Variants in IL1RAPL1 observed in about 807,000 individuals in gnomAD.
IL1RAPL1 encodes the protein interleukin 1 receptor accessory protein like 1.
Under a neutral mutation model 48.4 loss-of-function variants are expected in IL1RAPL1, and 3 were observed. That is an observed-to-expected ratio of 0.06 (90% CI 0.03 to 0.16). IL1RAPL1 has a LOEUF of 0.16. Among genes scored for constraint, IL1RAPL1 ranks in the 10% least tolerant of loss-of-function variants. IL1RAPL1 has a pLI of 1.00. For missense variants in IL1RAPL1, 349 were observed against 530.6 expected (o/e 0.66, Z 3.36); for synonymous variants, 185 against 187.7 (o/e 0.99, Z 0.12).
rs183435529 is a variant in IL1RAPL1, at chrX:28,587,791, T to C, written c.-281T>C. 9.1e-6 allele frequency: 1 copy of C among 109,997 alleles called. No homozygotes were observed. Among genetic ancestry groups the C allele is most frequent in the East Asian group, 2.9e-4 (1 of 3,485 alleles). 9.1% of individuals were successfully genotyped at this position (109,997 alleles called of 1,213,427 possible). A position where few individuals can be genotyped will look rare whatever the true frequency, so the allele number is the denominator to read the frequency against. On this transcript the variant is annotated 5_prime_UTR_variant, in exon 1 of 11. Coordinates refer to ENST00000378993, the MANE Select transcript of IL1RAPL1 (RefSeq NM_014271.4). ...TTTTTCCTGCTCTGCACCTGGATTG[T>C]ATCTTCAGCAAACAATCGGGCACTT...
chrX:29,802,771 A>ATGTG (rs1186816883), intron 6 of IL1RAPL1, among the ~76,000 whole-genome samples: 3 of 29,631 alleles, frequency 1.0e-4, no homozygotes, highest in African/African-American at 3.5e-4. Context: ...ATATATATAT[A>ATGTG]TATATATATA....
chrX:28,971,397 T>C (rs1480673076), intron 2 of IL1RAPL1, among the ~76,000 whole-genome samples: 1 of 112,336 alleles, frequency 8.9e-6, no homozygotes, highest in Non-Finnish European at 1.9e-5. Flanking sequence ...ATGAAGCTGT[T>C]CCTTGGAGTC....
At chrX:28,876,532 A>G (rs1256184503) in intron 2 of IL1RAPL1, among the ~76,000 whole-genome samples, 2 of 111,463 alleles carry the variant, frequency 1.8e-5, no homozygotes, top group Non-Finnish European at 3.8e-5. Context: ...CAAACAAAGC[A>G]TGATTAACCC....
chrX:29,174,644 T>C (rs1020182890), intron 2 of IL1RAPL1, among the ~76,000 whole-genome samples: 4 of 104,594 alleles, frequency 3.8e-5, no homozygotes, highest in East Asian at 2.9e-4. Flanking sequence ...TTTAATGATA[T>C]AGGAATTGCT....
intron 6 of IL1RAPL1, among the ~76,000 whole-genome samples, chrX:29,878,251 G>A (rs1931950596): frequency 9.0e-6 from 1 of 111,342 alleles, no homozygotes; most frequent in Non-Finnish European, 1.9e-5. Flanking sequence ...TGGAAAATTA[G>A]GACAGCCATC....
chrX:29,336,304 GGTGTGT>G lies in IL1RAPL1; in HGVS notation c.362+53126_362+53131del, dbSNP rs375590826. On this transcript the variant is annotated intron_variant, in intron 3 of 10. Transcript: ENST00000378993. ...TATATATATATATGCACCGTTTTGG[GGTGTGT>G]GTGTGTGTGTGTGTGTGTGTGTGTG... Among the ~76,000 whole-genome samples, 612 of 70,829 alleles carry G rather than the reference GGTGTGT, an allele frequency of 8.6e-3. 10 individuals are homozygous for G. The highest frequency in any genetic ancestry group is 0.02 in the African/African-American group (375 of 18,609). 61.5% of individuals were successfully genotyped at this position (70,829 alleles called of 115,157 possible). A position where few individuals can be genotyped will look rare whatever the true frequency, so the allele number is the denominator to read the frequency against.
chrX:29,605,036 G>T (rs139545003), intron 5 of IL1RAPL1, among the ~76,000 whole-genome samples: 195 of 95,818 alleles, frequency 2.0e-3, no homozygotes, highest in African/African-American at 7.2e-3. Flanking sequence ...AGACTTTTTG[G>T]GAGATGCTTC....
intron 5 of IL1RAPL1, among the ~76,000 whole-genome samples, chrX:29,571,276 C>G (rs766647008): frequency 9.0e-6 from 1 of 111,221 alleles, no homozygotes; most frequent in East Asian, 2.8e-4. Context: ...CTTCAGTGTG[C>G]TCTTCACATT....
At chrX:29,150,897 G>A (rs746913451) in intron 2 of IL1RAPL1, among the ~76,000 whole-genome samples, 1 of 104,134 alleles carries the variant, frequency 9.6e-6, no homozygotes, top group South Asian at 4.6e-4. Context: ...ACTCTAGCCT[G>A]GGTGACAGAG....
intron 2 of IL1RAPL1, among the ~76,000 whole-genome samples, chrX:28,874,724 A>G (rs1187352051): frequency 8.9e-6 from 1 of 112,381 alleles, no homozygotes; most frequent in East Asian, 2.8e-4. Context: ...TTCTCATTTC[A>G]TGCTTTCATT....
chrX:29,660,599 C>A (rs1423742428), intron 5 of IL1RAPL1, among the ~76,000 whole-genome samples: 2 of 111,927 alleles, frequency 1.8e-5, no homozygotes, highest in African/African-American at 6.5e-5. Context: ...ATCCTTTCCC[C>A]AATGTATGTT....
chrX:28,822,457 T>G (rs772616354), intron 2 of IL1RAPL1, among the ~76,000 whole-genome samples: 28 of 112,139 alleles, frequency 2.5e-4, no homozygotes, highest in African/African-American at 8.7e-4. Flanking sequence ...TGCCAACCCC[T>G]GTGTTAGACT....
At chrX:29,375,472 T>C (rs926963526) in intron 3 of IL1RAPL1, among the ~76,000 whole-genome samples, 3 of 111,390 alleles carry the variant, frequency 2.7e-5, no homozygotes, top group African/African-American at 9.8e-5. Context: ...AGCGCAATTG[T>C]TTTTTATAAC....
chrX:29,026,914 T>C (rs1037324239), intron 2 of IL1RAPL1, among the ~76,000 whole-genome samples: 2 of 111,809 alleles, frequency 1.8e-5, no homozygotes, highest in Non-Finnish European at 3.8e-5. Context: ...CTTAGCTTAA[T>C]TGAATGGAAG....
chrX:29,040,516 A>G (rs1024965118), intron 2 of IL1RAPL1, among the ~76,000 whole-genome samples: 1 of 112,174 alleles, frequency 8.9e-6, no homozygotes, highest in Non-Finnish European at 1.9e-5. Flanking sequence ...GCCAGGGTTT[A>G]AGCCACATTA....
chrX:28,896,806 C>T (rs1413424661), intron 2 of IL1RAPL1, among the ~76,000 whole-genome samples: 1 of 109,723 alleles, frequency 9.1e-6, no homozygotes, highest in Non-Finnish European at 1.9e-5. Flanking sequence ...GGACGAGTTG[C>T]ATTGGGAACA....
intron 2 of IL1RAPL1, among the ~76,000 whole-genome samples, chrX:28,953,347 A>G (rs1924521138): frequency 9.0e-6 from 1 of 111,560 alleles, no homozygotes; most frequent in South Asian, 3.7e-4. Context: ...ATTAATCTGT[A>G]TGGCATGCAA....
chrX:29,103,276 A>G (rs1049576156), intron 2 of IL1RAPL1, among the ~76,000 whole-genome samples: 3 of 111,861 alleles, frequency 2.7e-5, no homozygotes, highest in Non-Finnish European at 5.6e-5. Flanking sequence ...AAATAGAAAC[A>G]TAGACCAATG....
At chrX:28,727,902 A>G (rs1236790703) in intron 1 of IL1RAPL1, among the ~76,000 whole-genome samples, 8 of 106,429 alleles carry the variant, frequency 7.5e-5, no homozygotes, top group Non-Finnish European at 1.9e-5. Flanking sequence ...GGGGAACATC[A>G]CACTCTGGGG....
Sources: allele counts gnomAD v4.1 joint callset (sites outside exome capture counted in the v4.1 genomes callset), GRCh38; gene constraint gnomAD v4.1.1; transcripts MANE v1.5; gene names NCBI Gene and HGNC (gene_info 2026-07-23, HGNC 2026-07-21).